Variants in MLLT1 observed in about 807,000 individuals in gnomAD.
MLLT1 encodes the protein MLLT1 super elongation complex subunit, also known as protein ENL.
In MLLT1, 11 loss-of-function variants were observed where a neutral mutation model predicts 55.1. The ratio of observed to expected loss-of-function variants is 0.20; its 90% CI spans 0.13 to 0.33. The LOEUF is 0.33. MLLT1 is among the 10% of genes least tolerant of loss of function. MLLT1 has a pLI of 1.00. For missense variants in MLLT1, 536 were observed against 760.6 expected, an observed-to-expected ratio of 0.70 and a Z score of 3.47; for synonymous variants, 323 against 320.1, an observed-to-expected ratio of 1.01 and a Z score of -0.10.
chr19:6,225,509 T>A (rs73920605), intron 5 of MLLT1, among the ~76,000 whole-genome samples: 186 of 152,316 alleles, frequency 1.2e-3, no homozygotes, highest in African/African-American at 4.2e-3. Context: ...TTCGCCAGGC[T>A]AGGGCTCGGG....
At chr19:6,272,422 G>A (rs1233886154) in intron 1 of MLLT1, among the ~76,000 whole-genome samples, 2 of 152,132 alleles carry the variant, frequency 1.3e-5, no homozygotes, top group Non-Finnish European at 1.5e-5. Context: ...TTCTAGTGCC[G>A]CAGCCTGGGT....
At chr19:6,252,873 T>C (rs1215443730) in intron 3 of MLLT1, among the ~76,000 whole-genome samples, 1 of 152,096 alleles carries the variant, frequency 6.6e-6, no homozygotes, top group African/African-American at 2.4e-5. Context: ...ACCAATCTTA[T>C]AGAAATTAAA....
At position 6,213,425 on chromosome 19, in the gene MLLT1, G is replaced by C. The variant is rs1346276420; in HGVS notation, c.1480-17C>G. 3 of 1,605,138 alleles carry C rather than the reference G, an allele frequency of 1.9e-6. No homozygotes were observed. The highest frequency in any genetic ancestry group is 2.6e-6 in the Non-Finnish European group (3 of 1,175,416). On this transcript the variant is annotated splice_polypyrimidine_tract_variant and intron_variant, in intron 10 of 11. Transcript: ENST00000252674. ...CGTGTAGGCCTGGGGAGGGGGGGCA[G>C]GTCTCAGCAGCGTGTGGGGGCCCTG...
rs73557977 is a variant in MLLT1, at chr19:6,273,113, G to A, written c.13-2354C>T. On this transcript the variant is annotated intron_variant, in intron 1 of 11. Coordinates refer to ENST00000252674, the MANE Select transcript of MLLT1 (RefSeq NM_005934.4). This position sits in a 1 kb window ranked among gnomAD's most constrained non-coding sequence, Gnocchi z 4.3. ...GCCTGGGATCAGGCCGGAGACAAAA[G>A]AAATAACCCGTCGTCATAAGTGGCT... 3.1e-3 allele frequency among the ~76,000 whole-genome samples: 466 copies of A among 152,230 alleles called. 1 individual carries two copies. Among genetic ancestry groups the A allele is most frequent in the Middle Eastern group, 0.01 (3 of 294 alleles).
At chr19:6,221,709 C>T (rs934214563) in intron 6 of MLLT1, among the ~76,000 whole-genome samples, 1 of 152,200 alleles carries the variant, frequency 6.6e-6, no homozygotes, top group African/African-American at 2.4e-5. Flanking sequence ...TCCCAGATGC[C>T]CTATTGGCAG....
In MLLT1 at chr19:6,248,850, G is replaced by C. The variant is rs551049840; in HGVS notation, c.276+13378C>G. ...GAGATGTTAACATTAAGGGAGGTTGGGTTGTGGGGGAGGTCCTATGGGAAT... is the reference window on the plus strand; with the variant it reads ...GAGATGTTAACATTAAGGGAGGTTGCGTTGTGGGGGAGGTCCTATGGGAAT... On this transcript the variant is annotated intron_variant, in intron 3 of 11. Transcript: ENST00000252674. 5.9e-5 allele frequency among the ~76,000 whole-genome samples: 9 copies of C among 152,268 alleles called. 1 individual carries two copies. The highest frequency in any genetic ancestry group is 4.2e-4 in the South Asian group (2 of 4,816).
rs189156666 is a variant in MLLT1 at position 6,227,490 on chromosome 19, A to G, written c.421-388T>C. Among the ~76,000 whole-genome samples, 1 of 152,366 alleles carries G rather than the reference A, an allele frequency of 6.6e-6. No individual in the cohort carries two copies. On this transcript the variant is annotated intron_variant, in intron 4 of 11. Coordinates refer to ENST00000252674, the MANE Select transcript of MLLT1 (RefSeq NM_005934.4). The surrounding 1 kb of genome is among the most constrained non-coding windows in gnomAD (Gnocchi z 5.1). ...GAACAGCTCAGAAGTGTGAGAGGCC[A>G]GCCAGATGCCTGCGAAAGGCAGGCA...
intron 3 of MLLT1, among the ~76,000 whole-genome samples, chr19:6,252,880 T>C (rs965051928): frequency 2.0e-5 from 3 of 151,982 alleles, no homozygotes; most frequent in Admixed American, 2.0e-4. Flanking sequence ...TTATAGAAAT[T>C]AAAAGAATTA....
At chr19:6,218,820 G>A (rs1386101744) in intron 6 of MLLT1, among the ~76,000 whole-genome samples, 1 of 152,200 alleles carries the variant, frequency 6.6e-6, no homozygotes, top group Non-Finnish European at 1.5e-5. Flanking sequence ...CATTGTTCTG[G>A]GCCCACATTT....
At chr19:6,239,492 G>A (rs1342855233) in intron 3 of MLLT1, among the ~76,000 whole-genome samples, 5 of 152,256 alleles carry the variant, frequency 3.3e-5, no homozygotes, top group African/African-American at 1.2e-4. Flanking sequence ...ACGCCGGAGG[G>A]CCACGGGCAG....
At chr19:6,246,076 C>A (rs2091165109) in intron 3 of MLLT1, among the ~76,000 whole-genome samples, 1 of 150,636 alleles carries the variant, frequency 6.6e-6, no homozygotes, top group South Asian at 2.1e-4. Context: ...AAAACTCCAC[C>A]TCAAAAAGAA....
In MLLT1 at chr19:6,262,147, C is replaced by T. The variant is rs2091310931; in HGVS notation, c.276+81G>A. On this transcript the variant is annotated intron_variant, in intron 3 of 11. Transcript: ENST00000252674. The surrounding 1 kb of genome is among the most constrained non-coding windows in gnomAD (Gnocchi z 4.4). ...GCATGGGCAGCGGCCAGTTCTCTGG[C>T]CTGTTTTGTGAACTGCCGTGGCACC... The T allele has an allele frequency of 9.1e-7, 1 of 1,101,836 alleles. No homozygotes were observed. The highest frequency in any genetic ancestry group is 1.3e-5 in the South Asian group (1 of 79,774). 68.3% of individuals were successfully genotyped at this position (1,101,836 alleles called of 1,614,324 possible).
rs1474699680 is a variant in MLLT1 at position 6,230,137 on chromosome 19, G to A, written c.420+433C>T. Reference sequence around the variant, plus strand: ...CACCGCATGGGGGTCCCGGCCACACGACTCCTGGAGAGCCCTGGTCCCAGA... The same window carrying A: ...CACCGCATGGGGGTCCCGGCCACACAACTCCTGGAGAGCCCTGGTCCCAGA... On this transcript the variant is annotated intron_variant, in intron 4 of 11. Transcript: ENST00000252674. This position sits in a 1 kb window ranked among gnomAD's most constrained non-coding sequence, Gnocchi z 9.0. Among the ~76,000 whole-genome samples the A allele has an allele frequency of 2.6e-5, 4 of 152,166 alleles. No homozygotes were observed. Among genetic ancestry groups the A allele is most frequent in the Non-Finnish European group, 4.4e-5 (3 of 68,028 alleles).
Position 6,273,685 on chromosome 19 carries a change from A to G in MLLT1, c.13-2926T>C, listed in dbSNP as rs372902047. On this transcript the variant is annotated intron_variant, in intron 1 of 11. Coordinates refer to ENST00000252674, the MANE Select transcript of MLLT1 (RefSeq NM_005934.4). This position sits in a 1 kb window ranked among gnomAD's most constrained non-coding sequence, Gnocchi z 4.3. ...CAACCCCTGTCCCGCTGGGAGCATT[A>G]CAGGTGAAAACTAAATGTACATATA... 1.3e-5 allele frequency among the ~76,000 whole-genome samples: 2 copies of G among 152,332 alleles called. No individual in the cohort carries two copies. Among genetic ancestry groups the G allele is most frequent in the African/African-American group, 4.8e-5 (2 of 41,566 alleles).
chr19:6,228,035 G>T (rs369856365), intron 4 of MLLT1, among the ~76,000 whole-genome samples: 1 of 152,226 alleles, frequency 6.6e-6, no homozygotes, highest in East Asian at 1.9e-4. Context: ...GATGTCATGC[G>T]GCCATGGGGA....
At chr19:6,264,671 C>T (rs375629706) in intron 2 of MLLT1, among the ~76,000 whole-genome samples, 15 of 151,906 alleles carry the variant, frequency 9.9e-5, no homozygotes, top group African/African-American at 3.4e-4. Flanking sequence ...TCTGGGAGGC[C>T]GAGGTGGGAG....
At chr19:6,254,445 T>C (rs1380354896) in intron 3 of MLLT1, among the ~76,000 whole-genome samples, 2 of 152,224 alleles carry the variant, frequency 1.3e-5, no homozygotes, top group African/African-American at 4.8e-5. Flanking sequence ...ACACCCGATT[T>C]ATGGCCGGTT....
At chr19:6,244,987 G>C (rs536295475) in intron 3 of MLLT1, among the ~76,000 whole-genome samples, 1 of 152,046 alleles carries the variant, frequency 6.6e-6, no homozygotes, top group Admixed American at 6.6e-5. Flanking sequence ...TACCCGGCTG[G>C]GGGGGAATGT....
chr19:6,234,171 C>A (rs942597869), intron 3 of MLLT1, among the ~76,000 whole-genome samples: 2 of 152,228 alleles, frequency 1.3e-5, no homozygotes, highest in Admixed American at 1.3e-4. Flanking sequence ...CAGGAGCACG[C>A]GTGGCCTCAC....
Sources: gnomAD v4.1 joint callset for allele counts (sites outside exome capture counted in the v4.1 genomes callset) on GRCh38, gnomAD v4.1.1 for gene constraint, Gnocchi (gnomAD v3.1) non-coding constraint, MANE v1.5 for transcripts, NCBI Gene and HGNC (gene_info 2026-07-23, HGNC 2026-07-21) for gene names.